The following DNAH7 variants were observed in gnomAD, a reference collection of about 807,000 sequenced individuals.
DNAH7 encodes axonemal beta dynein heavy chain 7.
A neutral mutation model predicts 444.6 loss-of-function variants in DNAH7; 397 were observed. The observed-to-expected ratio is 0.89, with a 90% CI of 0.82 to 0.97. The LOEUF (loss-of-function observed/expected upper bound fraction) is 0.97, where lower values mean the gene tolerates loss of function less well. Ranked by LOEUF, DNAH7 falls within the 50% of genes least tolerant of loss-of-function variation. The pLI is 0.00. For missense variants in DNAH7, 4,902 were observed against 4,800.8 expected (o/e 1.02, Z -0.62); for synonymous variants, 1,636 against 1,624.4 (o/e 1.01, Z -0.17).
chr2:195,804,066 AC>A (rs59757647), intron 54 of DNAH7, among the ~76,000 whole-genome samples: 95,565 of 151,212 alleles, frequency 0.63, 30,335 homozygotes, highest in Non-Finnish European at 0.68. Context: ...GGGGAAGGAG[AC>A]CCCCCCCAAA....
chr2:195,802,006 T>C (rs1696485353), intron 54 of DNAH7, among the ~76,000 whole-genome samples: 1 of 152,220 alleles, frequency 6.6e-6, no homozygotes, highest in Non-Finnish European at 1.5e-5. Context: ...ACATATATAC[T>C]GTTTGCACAA....
chr2:195,737,973 T>A lies in DNAH7; in HGVS notation c.12023A>T (p.Lys4008Met), dbSNP rs759634085. The change falls in exon 65 of 65, where the codon AAG becomes ATG. Residue 4008 changes from lysine to methionine, a missense_variant. By Grantham distance (95) the Lys-to-Met change is moderately conservative. Coordinates refer to ENST00000312428, the MANE Select transcript of DNAH7 (RefSeq NM_018897.3). ...TACACCTCGTCCAATCCAGTGTTCC[T>A]TGGGTTGGTCAGAGGGAAGAGTCAT... ...IAMTLPSDQP[K>M]EHWIGRGVAL... 6.2e-7 allele frequency: 1 copy of A among 1,614,016 alleles called. No individual in the cohort carries two copies. The highest frequency in any genetic ancestry group is 8.5e-7 in the Non-Finnish European group (1 of 1,179,850).
intron 51 of DNAH7, among the ~76,000 whole-genome samples, chr2:195,810,276 TATTAA>T (rs1485512553): frequency 1.3e-5 from 2 of 152,202 alleles, no homozygotes; most frequent in Non-Finnish European, 2.9e-5. Context: ...GTAGCTTCTT[TATTAA>T]ATTTAGTATT....
chr2:195,909,463 C>T (rs1483565645), intron 25 of DNAH7, among the ~76,000 whole-genome samples: 1 of 151,892 alleles, frequency 6.6e-6, no homozygotes, highest in Non-Finnish European at 1.5e-5. Flanking sequence ...CATGGACTGA[C>T]AAGAATCTAA....
At chr2:196,042,143 G>A (rs1245668241) in intron 5 of DNAH7, among the ~76,000 whole-genome samples, 1 of 151,922 alleles carries the variant, frequency 6.6e-6, no homozygotes, top group Non-Finnish European at 1.5e-5. Context: ...GCCAATATAG[G>A]AAACAGTATG....
Position 195,861,899 on chromosome 2 carries a change from T to C in DNAH7, c.7554A>G (p.Glu2518=). Residue 2518 remains glutamate (E), a synonymous_variant, in exon 42 of 65, where the codon GAA becomes GAG. Coordinates refer to ENST00000312428, the MANE Select transcript of DNAH7 (RefSeq NM_018897.3). ...GTATTTCCTCTGACATTTCAATTTC[T>C]TCCAAGAATCGTGAGGCAACTGCCT... ...ALQAVASRFL[E]EIEMSEEIRD... The C allele has an allele frequency of 6.2e-7, 1 of 1,614,012 alleles. No homozygotes were observed. The highest frequency in any genetic ancestry group is 1.3e-5 in the African/African-American group (1 of 75,044).
intron 18 of DNAH7, 141 bp from the exon 19 acceptor site, chr2:195,957,588 AATGTTAT>A: frequency 2.3e-6 from 1 of 428,050 alleles, no homozygotes; most frequent in African/African-American, 2.4e-5. Context: ...TCTTGTATAT[AATGTTAT>A]ACAATTGTTA....
chr2:195,914,553 T>C (rs897040583), intron 24 of DNAH7, among the ~76,000 whole-genome samples: 2 of 152,060 alleles, frequency 1.3e-5, no homozygotes, highest in Admixed American at 1.3e-4. Context: ...TCTGAACCAC[T>C]TGCCCTGATT....
chr2:195,738,103 C>T lies in DNAH7; in HGVS notation c.11893G>A (p.Ala3965Thr), dbSNP rs1320233079. 1.2e-6 allele frequency: 2 copies of T among 1,613,720 alleles called. No homozygotes were observed. Among genetic ancestry groups the T allele is most frequent in the Admixed American group, 1.7e-5 (1 of 59,986 alleles). Reference protein sequence around the residue: ...PVMWLKPCKRADIPKRPSYVA... With the variant: ...PVMWLKPCKRTDIPKRPSYVA... Reference sequence around the variant, plus strand: ...TAACTTGGCCGTTTTGGTATATCTGCCCTCTTACAGGGCTTTAGCCACATC... The same window carrying T: ...TAACTTGGCCGTTTTGGTATATCTGTCCTCTTACAGGGCTTTAGCCACATC... The change falls in exon 65 of 65, where the codon GCA becomes ACA. Residue 3965 changes from alanine to threonine, a missense_variant. Physicochemically the swap from Ala to Thr is moderately conservative, Grantham distance 58. Transcript: ENST00000312428.
chr2:195,944,464 A>G (rs2125449357), intron 19 of DNAH7, among the ~76,000 whole-genome samples: 1 of 152,250 alleles, frequency 6.6e-6, no homozygotes. Context: ...TTTCCTCCCT[A>G]CACAAGCACC....
chr2:195,800,140 G>T (rs1696375677), intron 54 of DNAH7, among the ~76,000 whole-genome samples: 1 of 151,910 alleles, frequency 6.6e-6, no homozygotes, highest in Non-Finnish European at 1.5e-5. Flanking sequence ...CTGACAAAGG[G>T]TCTACACCAA....
chr2:196,013,222 G>C lies in DNAH7; in HGVS notation c.870-316C>G, dbSNP rs567022330. 8.5e-5 allele frequency among the ~76,000 whole-genome samples: 13 copies of C among 152,164 alleles called. 1 individual carries two copies. The highest frequency in any genetic ancestry group is 3.1e-4 in the African/African-American group (13 of 41,546). ...ATAATTTAAACAGGAAAAGAGGGAG[G>C]GCTCAATGCTTCTAGGATCCACTGC... is the stretch of plus-strand genomic sequence containing the variant. On this transcript the variant is annotated intron_variant, in intron 9 of 64. Transcript: ENST00000312428.
chr2:195,932,621 A>T (rs1688775331), intron 21 of DNAH7, among the ~76,000 whole-genome samples: 1 of 152,126 alleles, frequency 6.6e-6, no homozygotes, highest in African/African-American at 2.4e-5. Flanking sequence ...GAGAGTTTTT[A>T]GAATGAAGTG....
rs1185472135 is a variant in DNAH7, at chr2:195,941,653, T to C, written c.3079-4861A>G. On this transcript the variant is annotated intron_variant, in intron 19 of 64. Transcript: ENST00000312428. ...ATTAAGCTCAAGCCTGCCTGGTAAA[T>C]TTCTGGGAGCATAAATTTCCTAATG... Among the ~76,000 whole-genome samples the C allele has an allele frequency of 7.2e-5, 11 of 152,080 alleles. No homozygotes were observed. In the East Asian group the frequency reaches 1.5e-3, roughly 21 times the overall value.
intron 48 of DNAH7, among the ~76,000 whole-genome samples, chr2:195,827,970 T>C (rs543267703): frequency 2.6e-5 from 4 of 152,164 alleles, no homozygotes; most frequent in Non-Finnish European, 5.9e-5. Context: ...AAGAGAATAG[T>C]ATATAATTGG....
intron 54 of DNAH7, among the ~76,000 whole-genome samples, chr2:195,806,303 CAAT>C (rs1696706776): frequency 6.6e-6 from 1 of 151,948 alleles, no homozygotes; most frequent in African/African-American, 2.4e-5. Flanking sequence ...CCTTTGTTGT[CAAT>C]AATGACGAAT....
intron 14 of DNAH7, among the ~76,000 whole-genome samples, chr2:195,986,234 G>A (rs1692898929): frequency 6.6e-6 from 1 of 152,124 alleles, no homozygotes; most frequent in African/African-American, 2.4e-5. Context: ...TAATTTACTG[G>A]TTTGTGTGTC....
chr2:195,997,676 G>GAA lies in DNAH7; in HGVS notation c.1353+3026_1353+3027dup, dbSNP rs145901598. ...AACCCATTGCAGGTTTACCTTCCAT[G>GAA]AAAAAAAAAAGTGTATTTTAGTTCA... On this transcript the variant is annotated intron_variant, in intron 12 of 64. Transcript: ENST00000312428. Among the ~76,000 whole-genome samples, 4 of 147,734 alleles carry GAA rather than the reference G, an allele frequency of 2.7e-5. No individual in the cohort carries two copies. The East Asian group carries it at 5.9e-4, about 22-fold the overall frequency.
chr2:195,876,519 C>T (rs770894916), intron 37 of DNAH7, 25 bp downstream of exon 37: 40 of 1,609,448 alleles, frequency 2.5e-5, no homozygotes, highest in East Asian at 4.5e-5. Flanking sequence ...TGAATAGGCC[C>T]GGGTACTGTA....
Sources: gnomAD v4.1 joint callset for allele counts (sites outside exome capture counted in the v4.1 genomes callset) on GRCh38, gnomAD v4.1.1 for gene constraint, MANE v1.5 for transcripts, NCBI Gene and HGNC (gene_info 2026-07-23, HGNC 2026-07-21) for gene names.